Variants in CABIN1 observed in about 807,000 individuals in gnomAD.
CABIN1 encodes calcineurin-binding protein cabin-1.
In CABIN1, 133 loss-of-function variants were observed where a neutral mutation model predicts 227.7. That is an observed-to-expected ratio of 0.58 (90% CI 0.51 to 0.67). The LOEUF (loss-of-function observed/expected upper bound fraction) is 0.67. Ranked by LOEUF, CABIN1 falls within the 30% of genes least tolerant of loss-of-function variation. The pLI is 0.00. For synonymous variants in CABIN1, 1,086 were observed against 1,155.1 expected (o/e 0.94, Z 1.21); for missense variants, 2,408 against 2,852.5 (o/e 0.84, Z 3.55).
intron 29 of CABIN1, among the ~76,000 whole-genome samples, chr22:24,136,548 T>TTTTTTA (rs1333552591): frequency 7.0e-6 from 1 of 142,470 alleles, no homozygotes; most frequent in African/African-American, 2.7e-5. Context: ...TTTTTTTTTT[T>TTTTTTA]AGAGACAAGG....
chr22:24,077,644 G>A (rs914700935), intron 19 of CABIN1, among the ~76,000 whole-genome samples: 4 of 152,152 alleles, frequency 2.6e-5, no homozygotes, highest in African/African-American at 7.2e-5. Context: ...GCCAGGCTGA[G>A]TCTGTAATGC....
At position 24,074,498 on chromosome 22, in the gene CABIN1, AG is replaced by A. The variant is rs2040305193; in HGVS notation, c.2633-1667del. The stretch of plus-strand genomic sequence containing the variant: ...ATTCTCATTTGTGGAGAGTGGCATG[AG>A]GGGAAACCTCCTCCATCCCACCCTT... On this transcript the variant is annotated intron_variant, in intron 18 of 36. Transcript: ENST00000263119. 2.0e-5 allele frequency among the ~76,000 whole-genome samples: 3 copies of A among 152,272 alleles called. No individual in the cohort carries two copies. The South Asian group carries it at 6.2e-4, about 32-fold the overall frequency.
At position 24,063,129 on chromosome 22, in the gene CABIN1, C is replaced by T. The variant is rs778215090; in HGVS notation, c.1867C>T (p.Arg623Cys). ...FVVRVYWLKA[R>C]FLALQGDMEQ... ...GGTCCGTGTTTACTGGCTGAAGGCTCGCTTCCTGGCGCTGCAGGTTAGTTC... is the reference window on the plus strand; with the variant it reads ...GGTCCGTGTTTACTGGCTGAAGGCTTGCTTCCTGGCGCTGCAGGTTAGTTC... The change falls in exon 14 of 37, where the codon CGC (arginine) becomes TGC (cysteine). Residue 623 changes from arginine (R) to cysteine (C), a missense_variant. Physicochemically the swap from Arg to Cys is radical, Grantham distance 180 (BLOSUM62 -3). This residue lies in a region of CABIN1 where 1,045 missense variants were observed against 1,168.4 expected (regional missense o/e 0.89). Coordinates refer to ENST00000263119, the MANE Select transcript of CABIN1 (RefSeq NM_012295.4). 1.8e-5 allele frequency: 29 copies of T among 1,613,960 alleles called. No homozygotes were observed. Among genetic ancestry groups the T allele is most frequent in the African/African-American group, 4.0e-5 (3 of 74,908 alleles).
intron 28 of CABIN1, among the ~76,000 whole-genome samples, chr22:24,130,216 A>G (rs1766309449): frequency 6.6e-6 from 1 of 152,224 alleles, no homozygotes; most frequent in African/African-American, 2.4e-5. Context: ...CCTATGAGCC[A>G]GCAGTGTGAC....
intron 3 of CABIN1, 143 bp from the exon 4 acceptor site, chr22:24,038,205 T>C (rs139228653): frequency 5.9e-6 from 4 of 674,430 alleles, no homozygotes; most frequent in East Asian, 5.7e-5. Context: ...TTCCTGGAAG[T>C]TGGGAGGTGG....
chr22:24,113,451 C>A (rs1462769198), intron 26 of CABIN1, 115 bp from the exon 27 acceptor site: 1 of 962,892 alleles, frequency 1.0e-6, no homozygotes, highest in African/African-American at 1.6e-5. Context: ...TTCAGGCCAT[C>A]TCCTGCAAAG....
Position 24,134,349 on chromosome 22 carries a change from G to T in CABIN1, c.4680G>T (p.Trp1560Cys). ...RDVLLGSSIP[W>C]QQLQHMPAQG... ...TGTTGCTAGGCAGCAGTATCCCGTG[G>T]CAACAACTGCAGCACATGCCGGCAC... Residue 1560 changes from tryptophan (W) to cysteine (C), a missense_variant, in exon 29 of 37, where the codon TGG (tryptophan) becomes TGT (cysteine). This residue lies in a region of CABIN1 where 649 missense variants were observed against 910.3 expected (regional missense o/e 0.71). Transcript: ENST00000263119. The T allele has an allele frequency of 6.2e-7, 1 of 1,614,172 alleles. No individual in the cohort carries two copies. Among genetic ancestry groups the T allele is most frequent in the Non-Finnish European group, 8.5e-7 (1 of 1,180,018 alleles).
rs1294781595 is a variant in CABIN1 at position 24,095,941 on chromosome 22, G to A, written c.3797G>A (p.Arg1266Gln). The part of the protein sequence containing the change: ...LAMEALEVYF[R>Q]LHASILKLLG... ...GTGTCGTTCTCCTAGGTGTACTTTC[G>A]GCTCCATGCTTCCATCCTGAAGCTC... The change falls in exon 25 of 37, where the codon CGG becomes CAG. Residue 1266 changes from arginine to glutamine, a missense_variant. Transcript: ENST00000263119. 6.2e-7 allele frequency: 1 copy of A among 1,614,004 alleles called. No individual in the cohort carries two copies.
chr22:24,165,191 G>A lies in CABIN1; in HGVS notation c.4911-339G>A, dbSNP rs146736661. Among the ~76,000 whole-genome samples, 124 of 152,320 alleles carry A rather than the reference G, an allele frequency of 8.1e-4. 1 individual carries two copies. The highest frequency in any genetic ancestry group is 2.8e-3 in the African/African-American group (116 of 41,566). On this transcript the variant is annotated intron_variant, in intron 30 of 36. Coordinates refer to ENST00000263119, the MANE Select transcript of CABIN1 (RefSeq NM_012295.4). The stretch of plus-strand genomic sequence containing the variant: ...CTCACTCACCTACCACTTGCCAGGC[G>A]ATGTGCCAGGAGTTCAGGGGCCTCC...
intron 7 of CABIN1, 125 bp downstream of exon 7, chr22:24,049,345 C>T (rs974115678): frequency 8.9e-5 from 101 of 1,134,524 alleles, no homozygotes; most frequent in Non-Finnish European, 1.1e-4. Context: ...GGCTTCATGC[C>T]CTGCCGCAGC....
At chr22:24,156,977 C>G (rs1332009167) in intron 29 of CABIN1, among the ~76,000 whole-genome samples, 1 of 152,168 alleles carries the variant, frequency 6.6e-6, no homozygotes, top group Non-Finnish European at 1.5e-5. Flanking sequence ...TTTCCCAGCC[C>G]TTGTCTGCAG....
intron 28 of CABIN1, among the ~76,000 whole-genome samples, chr22:24,133,842 G>T (rs570314386): frequency 6.6e-6 from 1 of 152,220 alleles, no homozygotes; most frequent in Non-Finnish European, 1.5e-5. Flanking sequence ...TTTGCCCAGA[G>T]ATCACTGACC....
chr22:24,073,776 G>C (rs1347824365), intron 18 of CABIN1, among the ~76,000 whole-genome samples: 1 of 152,158 alleles, frequency 6.6e-6, no homozygotes, highest in Non-Finnish European at 1.5e-5. Context: ...CCTTAAGTCA[G>C]GCAGGAGACC....
intron 6 of CABIN1, among the ~76,000 whole-genome samples, chr22:24,047,037 T>C (rs759306033): frequency 5.3e-5 from 8 of 152,192 alleles, no homozygotes; most frequent in Non-Finnish European, 8.8e-5. Context: ...GCGATCTGCT[T>C]TACTCAGTCT....
intron 15 of CABIN1, among the ~76,000 whole-genome samples, chr22:24,065,886 C>G (rs985185561): frequency 6.6e-6 from 1 of 152,134 alleles, no homozygotes; most frequent in African/African-American, 2.4e-5. Flanking sequence ...CGCCTGCAAT[C>G]GCAGGCACTC....
intron 29 of CABIN1, among the ~76,000 whole-genome samples, chr22:24,135,484 G>A (rs925059840): frequency 6.6e-6 from 1 of 152,102 alleles, no homozygotes. Flanking sequence ...AGCAGGGCAG[G>A]GCCAATCACC....
intron 29 of CABIN1, among the ~76,000 whole-genome samples, chr22:24,155,449 C>A (rs2045727127): frequency 6.6e-6 from 1 of 152,152 alleles, no homozygotes; most frequent in South Asian, 2.1e-4. Flanking sequence ...ACCCCTCAAA[C>A]CCAGTGCTTT....
intron 26 of CABIN1, among the ~76,000 whole-genome samples, chr22:24,107,706 T>C (rs1026378429): frequency 2.6e-5 from 4 of 152,234 alleles, no homozygotes; most frequent in African/African-American, 4.8e-5. Context: ...TCTACTTGCC[T>C]AAACCAATCC....
intron 1 of CABIN1, among the ~76,000 whole-genome samples, chr22:24,021,840 A>G (rs927727997): frequency 9.2e-5 from 14 of 152,126 alleles, no homozygotes; most frequent in Admixed American, 7.2e-4. Context: ...ACATGCCACC[A>G]TGCCCAGCTA....
Sources: gnomAD v4.1 joint callset for allele counts (sites outside exome capture counted in the v4.1 genomes callset) on GRCh38, gnomAD v4.1.1 for gene constraint, gnomAD v4.1.1 regional missense constraint, MANE v1.5 for transcripts, NCBI Gene and HGNC (gene_info 2026-07-23, HGNC 2026-07-21) for gene names.